VTA1: variants seen among roughly 807,000 people sequenced by gnomAD.
VTA1 encodes vesicle trafficking 1.
Under a neutral mutation model 36.9 loss-of-function variants are expected in VTA1, and 24 were observed. The observed-to-expected ratio is 0.65, with a 90% confidence interval of 0.47 to 0.91. The LOEUF (loss-of-function observed/expected upper bound fraction) is 0.91, where lower values mean the gene tolerates loss of function less well. Among genes scored for constraint, VTA1 ranks in the 40% least tolerant of loss-of-function variants. VTA1 has a pLI of 0.00. For synonymous variants in VTA1, 142 were observed against 130.2 expected, an observed-to-expected ratio of 1.09 and a Z score of -0.62; for missense variants, 393 against 377.2, an observed-to-expected ratio of 1.04 and a Z score of -0.35.
At chr6:142,147,453 C>A in intron 1 of VTA1, 54 bp downstream of exon 1, 1 of 1,531,236 alleles carries the variant, frequency 6.5e-7, no homozygotes, top group Non-Finnish European at 8.9e-7. Context: ...TTTTAGGGCC[C>A]ACACACCTCC....
intron 5 of VTA1, among the ~76,000 whole-genome samples, chr6:142,190,190 G>A (rs1396644958): frequency 2.0e-5 from 3 of 152,020 alleles, no homozygotes; most frequent in Non-Finnish European, 4.4e-5. Flanking sequence ...GGTTATTTGC[G>A]GAGTTAGTAA....
intron 4 of VTA1, among the ~76,000 whole-genome samples, chr6:142,187,478 C>A (rs1381068699): frequency 3.9e-5 from 6 of 152,128 alleles, no homozygotes; most frequent in Non-Finnish European, 8.8e-5. Context: ...ATGTGGGCTC[C>A]CTGCCAGTAA....
chr6:142,206,058 C>A (rs1280335598), intron 7 of VTA1, among the ~76,000 whole-genome samples: 4 of 151,862 alleles, frequency 2.6e-5, no homozygotes, highest in Non-Finnish European at 4.4e-5. Context: ...AAAATCCTAG[C>A]TAGTGCAGTA....
chr6:142,196,193 A>G (rs191237884), intron 5 of VTA1, among the ~76,000 whole-genome samples: 9 of 152,220 alleles, frequency 5.9e-5, no homozygotes, highest in Admixed American at 3.3e-4. Context: ...TACGAATTCT[A>G]TTTGGCCGGA....
At chr6:142,173,956 C>G (rs1259907334) in intron 4 of VTA1, among the ~76,000 whole-genome samples, 1 of 152,142 alleles carries the variant, frequency 6.6e-6, no homozygotes, top group African/African-American at 2.4e-5. Flanking sequence ...TCTCACTACC[C>G]AACCTGCTCC....
At chr6:142,190,209 C>T (rs1775427747) in intron 5 of VTA1, among the ~76,000 whole-genome samples, 1 of 152,140 alleles carries the variant, frequency 6.6e-6, no homozygotes, top group African/African-American at 2.4e-5. Context: ...AATACATTCA[C>T]ATGGTTCAAA....
chr6:142,219,683 G>T lies in VTA1; in HGVS notation c.*1040G>T, dbSNP rs938840161. ...GTCATTTTTATTTATAGGAATATGG[G>T]TGTTTCTATAGGAAGAAACAGGTTT... On this transcript the variant is annotated 3_prime_UTR_variant, in exon 8 of 8. Coordinates refer to ENST00000367630, the MANE Select transcript of VTA1 (RefSeq NM_016485.5). 1 of 152,144 alleles carries T rather than the reference G, an allele frequency of 6.6e-6. No individual in the cohort carries two copies. The highest frequency in any genetic ancestry group is 1.5e-5 in the Non-Finnish European group (1 of 68,030). The allele number at this position is 152,144 out of a possible 1,614,324, so 9.4% of individuals were successfully genotyped here. A position where few individuals can be genotyped will look rare whatever the true frequency, so the allele number is the denominator to read the frequency against.
chr6:142,163,829 A>G (rs1447936565), intron 1 of VTA1, among the ~76,000 whole-genome samples: 2 of 152,160 alleles, frequency 1.3e-5, no homozygotes, highest in African/African-American at 4.8e-5. Context: ...ATTGAATACA[A>G]ATCTGCAATA....
intron 4 of VTA1, among the ~76,000 whole-genome samples, chr6:142,187,836 A>G (rs891125147): frequency 2.6e-5 from 4 of 152,068 alleles, no homozygotes; most frequent in South Asian, 2.1e-4. Flanking sequence ...AGAATACTCA[A>G]CTAAGTATCT....
chr6:142,189,181 C>G (rs1395237037), intron 4 of VTA1, among the ~76,000 whole-genome samples: 1 of 152,100 alleles, frequency 6.6e-6, no homozygotes, highest in East Asian at 1.9e-4. Flanking sequence ...CATATCCTTT[C>G]TGAAATGTTA....
chr6:142,169,276 T>C (rs1422064586), intron 2 of VTA1, among the ~76,000 whole-genome samples: 1 of 152,212 alleles, frequency 6.6e-6, no homozygotes, highest in Non-Finnish European at 1.5e-5. Context: ...ATTGGATATA[T>C]TATCCTTTTA....
intron 2 of VTA1, among the ~76,000 whole-genome samples, 179 bp downstream of exon 2, chr6:142,166,501 G>T (rs1774917545): frequency 6.6e-6 from 1 of 151,920 alleles, no homozygotes; most frequent in South Asian, 2.1e-4. Context: ...TTCCAGAGAG[G>T]TTATGAGTGT....
At chr6:142,157,180 A>G (rs1409376282) in intron 1 of VTA1, among the ~76,000 whole-genome samples, 1 of 152,220 alleles carries the variant, frequency 6.6e-6, no homozygotes, top group African/African-American at 2.4e-5. Flanking sequence ...TGATAATAAT[A>G]ATAACTTGCC....
At chr6:142,169,882 C>A (rs766358596) in intron 3 of VTA1, among the ~76,000 whole-genome samples, 1 of 152,006 alleles carries the variant, frequency 6.6e-6, no homozygotes, top group South Asian at 2.1e-4. Flanking sequence ...ATACCCAGGG[C>A]AGATTTATTT....
chr6:142,181,372 A>G (rs1383792581), intron 4 of VTA1, among the ~76,000 whole-genome samples: 1 of 148,142 alleles, frequency 6.8e-6, no homozygotes, highest in Non-Finnish European at 1.5e-5. Flanking sequence ...TGACCTCGTG[A>G]TCCGCCTTCC....
At position 142,218,524 on chromosome 6, in the gene VTA1, T is replaced by C. The variant is rs751357790; in HGVS notation, c.805T>C (p.Phe269Leu). The change falls in exon 8 of 8, where the codon TTT (phenylalanine) becomes CTT (leucine). Residue 269 changes from phenylalanine to leucine, a missense_variant. Coordinates refer to ENST00000367630, the MANE Select transcript of VTA1 (RefSeq NM_016485.5). ...QGDVRLTPED[F>L]ARAQKYCKYA... ...GGATGTTCGTCTAACCCCAGAAGACTTTGCTAGAGCTCAGAAGTACTGCAA... is the reference window on the plus strand; with the variant it reads ...GGATGTTCGTCTAACCCCAGAAGACCTTGCTAGAGCTCAGAAGTACTGCAA... 2.5e-6 allele frequency: 4 copies of C among 1,613,460 alleles called. No homozygotes were observed. The highest frequency in any genetic ancestry group is 3.4e-6 in the Non-Finnish European group (4 of 1,179,710).
At chr6:142,178,700 G>T (rs1265260295) in intron 4 of VTA1, among the ~76,000 whole-genome samples, 2 of 151,986 alleles carry the variant, frequency 1.3e-5, no homozygotes, top group African/African-American at 4.8e-5. Flanking sequence ...AAACAGGTGG[G>T]ACCAATGCAA....
intron 2 of VTA1, among the ~76,000 whole-genome samples, chr6:142,167,285 A>C (rs1230972559): frequency 6.6e-6 from 1 of 152,206 alleles, no homozygotes; most frequent in African/African-American, 2.4e-5. Context: ...CTTAGTAATG[A>C]GGACTCTGTC....
intron 1 of VTA1, among the ~76,000 whole-genome samples, chr6:142,149,113 T>G (rs1412100583): frequency 6.6e-6 from 1 of 152,212 alleles, no homozygotes; most frequent in Non-Finnish European, 1.5e-5. Flanking sequence ...ACCATATCAT[T>G]CCCTAAAGTT....
Sources: allele counts gnomAD v4.1 joint callset (sites outside exome capture counted in the v4.1 genomes callset), GRCh38; gene constraint gnomAD v4.1.1; transcripts MANE v1.5; gene names NCBI Gene and HGNC (gene_info 2026-07-23, HGNC 2026-07-21).